NOX1: variants seen among roughly 807,000 people sequenced by gnomAD.
NOX1 encodes the protein NADH/NADPH mitogenic oxidase subunit P65-MOX.
NOX1 carries 34 observed loss-of-function variants against 42.5 expected under a neutral mutation model. That is an observed-to-expected ratio of 0.80 (90% CI 0.61 to 1.07). NOX1 has a LOEUF of 1.07. Ranked by LOEUF, NOX1 falls within the 50% of genes least tolerant of loss-of-function variation. NOX1 has a pLI of 0.00. For missense variants in NOX1, 408 were observed against 427.0 expected (o/e 0.96, Z 0.39); for synonymous variants, 143 against 152.5 (o/e 0.94, Z 0.46).
intron 7 of NOX1, among the ~76,000 whole-genome samples, chrX:100,852,430 T>C (rs1472932429): frequency 8.9e-6 from 1 of 111,801 alleles, no homozygotes; most frequent in Non-Finnish European, 1.9e-5. Context: ...GCCACTGCAT[T>C]CCAGCCTGGG....
At position 100,850,379 on chromosome X, in the gene NOX1, A is replaced by C. The variant is rs773237228; in HGVS notation, c.905T>G (p.Met302Arg). 2 of 1,167,553 alleles carry C rather than the reference A, an allele frequency of 1.7e-6. No individual in the cohort carries two copies. Among genetic ancestry groups the C allele is most frequent in the East Asian group, 6.1e-5 (2 of 32,904 alleles). Residue 302 changes from methionine (M) to arginine (R), a missense_variant, in exon 9 of 13, where the codon ATG (methionine) becomes AGG (arginine). By Grantham distance (91) the Met-to-Arg change is moderately conservative (BLOSUM62 -1). Coordinates refer to ENST00000372966, the MANE Select transcript of NOX1 (RefSeq NM_007052.5). ...CAATTCCAAAACTTTGGATGGGTGC[A>C]TAACAACCTGTGAATGAAGCACATA... is the stretch of plus-strand genomic sequence containing the variant. ...QQKVVITKVV[M>R]HPSKVLELQM...
intron 6 of NOX1, 26 bp downstream of exon 6, chrX:100,862,366 T>A (rs749863506): frequency 2.5e-6 from 3 of 1,207,584 alleles, no homozygotes; most frequent in Non-Finnish European, 2.2e-6. Flanking sequence ...GGCTGGGGCA[T>A]GAGAATGAGG....
At chrX:100,869,606 A>T (rs1217847578) in intron 2 of NOX1, among the ~76,000 whole-genome samples, 1 of 108,424 alleles carries the variant, frequency 9.2e-6, no homozygotes, top group Non-Finnish European at 1.9e-5. Flanking sequence ...GTCATCTGCA[A>T]ACAGGGACAA....
rs200198157 is a variant in NOX1, at chrX:100,850,217, C to T, written c.1067G>A (p.Arg356Gln). The T allele has an allele frequency of 4.5e-5, 55 of 1,209,618 alleles. No individual in the cohort carries two copies. The highest frequency in any genetic ancestry group is 2.3e-4 in the Middle Eastern group (1 of 4,372). The change falls in exon 9 of 13, where the codon CGA (arginine) becomes CAA (glutamine). Residue 356 changes from arginine to glutamine, a missense_variant. Transcript: ENST00000372966. ...PEEDFFSIHI[R>Q]AAGDWTENLI... ...ATTTTCTGTCCAGTCCCCTGCTGCT[C>T]GGATATGAATGGAGAAGAAATCTTC...
rs146244487 is a variant in NOX1 at position 100,872,526 on chromosome X, G to A, written c.45+1569C>T. Among the ~76,000 whole-genome samples, 240 of 111,449 alleles carry A rather than the reference G, an allele frequency of 2.2e-3. 2 individuals are homozygous for A. The highest frequency in any genetic ancestry group is 7.3e-3 in the African/African-American group (225 of 30,648). On this transcript the variant is annotated intron_variant, in intron 1 of 12. Transcript: ENST00000372966. Reference sequence around the variant, plus strand: ...TTTTTTATTTAAAAATCAGTGCATAGGAGTATATGTCAGAGATAATGAGAA... The same window carrying A: ...TTTTTTATTTAAAAATCAGTGCATAAGAGTATATGTCAGAGATAATGAGAA...
chrX:100,848,561 A>C, intron 12 of NOX1, 69 bp downstream of exon 12: 1 of 1,065,091 alleles, frequency 9.4e-7, no homozygotes, highest in South Asian at 2.2e-5. Flanking sequence ...CAAAGTGCTG[A>C]GATTACAGGC....
intron 1 of NOX1, among the ~76,000 whole-genome samples, chrX:100,872,676 A>C (rs781644028): frequency 2.7e-5 from 3 of 110,065 alleles, no homozygotes; most frequent in Non-Finnish European, 3.8e-5. Flanking sequence ...AAATGCAGGT[A>C]AATGTGGATT....
Position 100,849,311 on chromosome X carries a change from C to T in NOX1, c.1412G>A (p.Arg471His), listed in dbSNP as rs762171660. 2.2e-5 allele frequency: 27 copies of T among 1,211,268 alleles called. No homozygotes were observed. Among genetic ancestry groups the T allele is most frequent in the East Asian group, 3.0e-5 (1 of 33,835 alleles). Residue 471 changes from arginine (R) to histidine (H), a missense_variant, in exon 11 of 13, where the codon CGT becomes CAT. Coordinates refer to ENST00000372966, the MANE Select transcript of NOX1 (RefSeq NM_007052.5). ...GCTGTCCCATCCGGTGAGGAAGAGA[C>T]GGTAGTTTAGAAAACCCACTTTGCC... The part of the protein sequence containing the change: ...ELGKVGFLNY[R>H]LFLTGWDSNI...
Position 100,849,780 on chromosome X carries a change from T to A in NOX1, c.1288A>T (p.Thr430Ser), listed in dbSNP as rs200678023. The A allele has an allele frequency of 5.7e-5, 69 of 1,201,963 alleles. No individual in the cohort carries two copies. The highest frequency in any genetic ancestry group is 7.5e-5 in the Non-Finnish European group (67 of 892,173). Residue 430 changes from threonine to serine, a missense_variant, in exon 10 of 13, where the codon ACA (threonine) becomes TCA (serine). Transcript: ENST00000372966. Reference protein sequence around the residue: ...KFQCADHNLKTKKIYFYWICR... With the variant: ...KFQCADHNLKSKKIYFYWICR... The stretch of plus-strand genomic sequence containing the variant: ...GATATACGGGATTATACCTTTTTTG[T>A]TTTGAGGTTGTGGTCTGCACACTGG...
Position 100,871,318 on chromosome X carries a change from C to A in NOX1, c.46-504G>T, listed in dbSNP as rs142434632. On this transcript the variant is annotated intron_variant, in intron 1 of 12. Coordinates refer to ENST00000372966, the MANE Select transcript of NOX1 (RefSeq NM_007052.5). The stretch of plus-strand genomic sequence containing the variant: ...TGGCTTGCAAAGCCTAAAATATGTA[C>A]TATCTAGATTTTTACAGAAACATTT... Among the ~76,000 whole-genome samples, 915 of 111,968 alleles carry A rather than the reference C, an allele frequency of 8.2e-3. 30 individuals are homozygous for A. The highest frequency in any genetic ancestry group is 0.076 in the Admixed American group (798 of 10,522).
chrX:100,872,404 C>T lies in NOX1; in HGVS notation c.46-1590G>A, dbSNP rs149287538. On this transcript the variant is annotated intron_variant, in intron 1 of 12. Coordinates refer to ENST00000372966, the MANE Select transcript of NOX1 (RefSeq NM_007052.5). ...TATCTAGGAGTAAGGCATTCCATTC[C>T]CCATCTTAGCTGTCATTTCCTCCAC... 4.4e-3 allele frequency among the ~76,000 whole-genome samples: 489 copies of T among 111,879 alleles called. 11 individuals are homozygous for T. The East Asian group carries it at 0.11, about 26-fold the overall frequency.
At chrX:100,862,029 A>G in intron 7 of NOX1, 142 bp downstream of exon 7, 2 of 657,128 alleles carry the variant, frequency 3.0e-6, no homozygotes, top group Non-Finnish European at 4.4e-6. Flanking sequence ...TCTTAAAGGT[A>G]GGAACCCCAT....
At chrX:100,855,795 C>T in intron 7 of NOX1, 2 of 1,090,201 alleles carry the variant, frequency 1.8e-6, no homozygotes, top group Non-Finnish European at 2.5e-6. Context: ...TCCACGACCA[C>T]TTCGACCTCT....
chrX:100,853,272 T>TTCTTTCTC (rs1569445495), intron 7 of NOX1, among the ~76,000 whole-genome samples: 1 of 56,748 alleles, frequency 1.8e-5, no homozygotes, highest in East Asian at 4.1e-4. Context: ...CTTTCTTTCT[T>TTCTTTCTC]TCTTTCTTTC....
intron 12 of NOX1, 120 bp from the exon 13 acceptor site, chrX:100,844,198 A>G: frequency 1.5e-6 from 1 of 650,401 alleles, no homozygotes; most frequent in Non-Finnish European, 2.3e-6. Context: ...GTTTACTCCC[A>G]CGTTCTTCAT....
intron 2 of NOX1, 111 bp downstream of exon 2, chrX:100,870,608 T>C: frequency 1.8e-6 from 1 of 567,288 alleles, no homozygotes; most frequent in Non-Finnish European, 2.9e-6. Context: ...TTCTGTACTT[T>C]TTCTGGCAAC....
At chrX:100,869,558 T>G (rs1476887670) in intron 2 of NOX1, among the ~76,000 whole-genome samples, 2 of 110,491 alleles carry the variant, frequency 1.8e-5, no homozygotes, top group African/African-American at 3.3e-5. Flanking sequence ...AAGGAGATTT[T>G]GGGCTGAGAC....
intron 2 of NOX1, among the ~76,000 whole-genome samples, 174 bp downstream of exon 2, chrX:100,870,545 C>T (rs2085267603): frequency 9.0e-6 from 1 of 111,474 alleles, no homozygotes; most frequent in Non-Finnish European, 1.9e-5. Flanking sequence ...TTGGAGCATA[C>T]TTACATAAAA....
At chrX:100,853,276 T>TTCTTTCTTTCTCTCTCTTTC (rs2085131725) in intron 7 of NOX1, among the ~76,000 whole-genome samples, 2 of 66,359 alleles carry the variant, frequency 3.0e-5, no homozygotes, top group African/African-American at 6.4e-5. Flanking sequence ...CTTTCTTTCT[T>TTCTTTCTTTCTCTCTCTTTC]TCTTTCTTTC....
Sources: allele counts gnomAD v4.1 joint callset (sites outside exome capture counted in the v4.1 genomes callset), GRCh38; gene constraint gnomAD v4.1.1; transcripts MANE v1.5; gene names NCBI Gene and HGNC (gene_info 2026-07-23, HGNC 2026-07-21).